Variants in MARCHF1 observed in about 807,000 individuals in gnomAD.
MARCHF1 encodes the protein membrane associated ring-CH-type finger 1, also known as E3 ubiquitin-protein ligase MARCHF1.
MARCHF1 carries 40 observed loss-of-function variants against 54.2 expected under a neutral mutation model. That is an observed-to-expected ratio of 0.74 (90% CI 0.57 to 0.96). The LOEUF (loss-of-function observed/expected upper bound fraction) is 0.96. MARCHF1 is among the 40% of genes least tolerant of loss of function. The pLI is 0.00. For synonymous variants in MARCHF1, 236 were observed against 236.3 expected (o/e 1.00, Z 0.01); for missense variants, 586 against 656.5 (o/e 0.89, Z 1.17).
At chr4:163,707,378 T>A (rs1345134877) in intron 4 of MARCHF1, among the ~76,000 whole-genome samples, 2 of 151,726 alleles carry the variant, frequency 1.3e-5, no homozygotes, top group Admixed American at 6.6e-5. Flanking sequence ...CAGTAAGGAA[T>A]CAAATAGAAA....
chr4:163,699,402 C>T (rs920434834), intron 5 of MARCHF1, among the ~76,000 whole-genome samples: 2 of 152,128 alleles, frequency 1.3e-5, no homozygotes, highest in African/African-American at 4.8e-5. Flanking sequence ...AGTGTGTGTG[C>T]AGATGTTATC....
intron 4 of MARCHF1, among the ~76,000 whole-genome samples, chr4:163,811,865 T>A (rs928580489): frequency 1.3e-5 from 2 of 152,184 alleles, no homozygotes; most frequent in East Asian, 3.8e-4. Flanking sequence ...GGCCATGGGA[T>A]GTCTTGATAG....
At chr4:164,117,680 A>G (rs1022054027) in intron 1 of MARCHF1, among the ~76,000 whole-genome samples, 2 of 152,060 alleles carry the variant, frequency 1.3e-5, no homozygotes, top group Non-Finnish European at 2.9e-5. Flanking sequence ...CAGGCAGATC[A>G]CTTGAGGTCA....
intron 3 of MARCHF1, among the ~76,000 whole-genome samples, chr4:163,937,041 G>T (rs1751811637): frequency 6.6e-6 from 1 of 152,060 alleles, no homozygotes; most frequent in African/African-American, 2.4e-5. Context: ...AACAAGGGTG[G>T]TATAAAAGCT....
chr4:163,527,542 T>C lies in MARCHF1; in HGVS notation c.*1206A>G, dbSNP rs1738160933. On this transcript the variant is annotated 3_prime_UTR_variant, in exon 10 of 10. Transcript: ENST00000514618. ...GATTGATTGTTTTATCTTTCTATAC[T>C]TTTGGATTTTTACCCTTTAGAGATG... The C allele has an allele frequency of 6.6e-6, 1 of 152,118 alleles. No individual in the cohort carries two copies. Among genetic ancestry groups the C allele is most frequent in the Non-Finnish European group, 1.5e-5 (1 of 67,974 alleles). 9.4% of individuals were successfully genotyped at this position (152,118 alleles called of 1,614,324 possible). A position where few individuals can be genotyped will look rare whatever the true frequency, so the allele number is the denominator to read the frequency against.
At chr4:164,263,196 T>A (rs748800031) in intron 1 of MARCHF1, among the ~76,000 whole-genome samples, 10 of 151,980 alleles carry the variant, frequency 6.6e-5, no homozygotes, top group Non-Finnish European at 1.3e-4. Flanking sequence ...CTAGGAAGAC[T>A]ATGAAACACT....
intron 1 of MARCHF1, among the ~76,000 whole-genome samples, chr4:164,239,133 A>T (rs1732652328): frequency 6.6e-6 from 1 of 152,214 alleles, no homozygotes. Flanking sequence ...TCATTCATTC[A>T]TGTATAGATA....
At chr4:163,705,166 G>A (rs899284376) in intron 4 of MARCHF1, among the ~76,000 whole-genome samples, 4 of 151,534 alleles carry the variant, frequency 2.6e-5, no homozygotes, top group African/African-American at 4.8e-5. Context: ...ATGGATAAGG[G>A]CATGCTGATT....
At chr4:163,542,244 A>C (rs1738743858) in intron 9 of MARCHF1, among the ~76,000 whole-genome samples, 2 of 152,230 alleles carry the variant, frequency 1.3e-5, no homozygotes, top group Non-Finnish European at 2.9e-5. Context: ...TAAAAGAAAA[A>C]TAAGAGGTGG....
intron 1 of MARCHF1, among the ~76,000 whole-genome samples, chr4:164,301,543 G>A (rs1327689859): frequency 2.0e-5 from 3 of 152,148 alleles, no homozygotes; most frequent in African/African-American, 7.2e-5. Context: ...ATAGGGCTCG[G>A]TTTGTACATT....
chr4:164,214,614 TC>T (rs1317286117), intron 1 of MARCHF1, among the ~76,000 whole-genome samples: 3 of 152,170 alleles, frequency 2.0e-5, no homozygotes, highest in Non-Finnish European at 4.4e-5. Flanking sequence ...AAAATTCTGA[TC>T]TTTAGAATCT....
At chr4:164,319,981 A>AT (rs1040778294) in intron 1 of MARCHF1, among the ~76,000 whole-genome samples, 19 of 152,124 alleles carry the variant, frequency 1.2e-4, no homozygotes, top group African/African-American at 3.4e-4. Context: ...CATATGTATA[A>AT]TTTTTTTTAC....
chr4:163,828,411 T>G (rs1228181554), intron 4 of MARCHF1, among the ~76,000 whole-genome samples: 1 of 152,170 alleles, frequency 6.6e-6, no homozygotes, highest in East Asian at 1.9e-4. Context: ...ACTTTTGTTC[T>G]GTGATTATCT....
intron 8 of MARCHF1, chr4:163,555,768 C>T (rs1352685284): frequency 9.9e-6 from 3 of 302,054 alleles, no homozygotes; most frequent in South Asian, 5.4e-5. Flanking sequence ...AAACCCTTGC[C>T]GAGCGGACTC....
At chr4:164,332,928 A>G (rs965179676) in intron 1 of MARCHF1, among the ~76,000 whole-genome samples, 1 of 152,172 alleles carries the variant, frequency 6.6e-6, no homozygotes, top group African/African-American at 2.4e-5. Flanking sequence ...AAGTATAATG[A>G]AAGTATACAA....
chr4:164,369,139 G>A (rs1730961727), intron 1 of MARCHF1, among the ~76,000 whole-genome samples: 2 of 152,126 alleles, frequency 1.3e-5, no homozygotes, highest in African/African-American at 4.8e-5. Flanking sequence ...CCCGGGTCTA[G>A]GTGGCTCTTG....
intron 4 of MARCHF1, among the ~76,000 whole-genome samples, chr4:163,751,756 A>C (rs530219542): frequency 6.6e-6 from 1 of 152,102 alleles, no homozygotes; most frequent in East Asian, 1.9e-4. Context: ...CTTCTCCTCA[A>C]GTAGGTATTT....
intron 1 of MARCHF1, among the ~76,000 whole-genome samples, chr4:164,123,368 A>T (rs1756111403): frequency 6.6e-6 from 1 of 152,136 alleles, no homozygotes; most frequent in Non-Finnish European, 1.5e-5. Flanking sequence ...ATATTGTTAA[A>T]ATACCCATAC....
chr4:163,657,014 C>G (rs567861598), intron 5 of MARCHF1, among the ~76,000 whole-genome samples: 1 of 152,208 alleles, frequency 6.6e-6, no homozygotes, highest in East Asian at 1.9e-4. Flanking sequence ...GATGCCCTCT[C>G]TCACCACTTC....
Sources: allele counts gnomAD v4.1 joint callset (sites outside exome capture counted in the v4.1 genomes callset), GRCh38; gene constraint gnomAD v4.1.1; transcripts MANE v1.5; gene names NCBI Gene and HGNC (gene_info 2026-07-23, HGNC 2026-07-21).